LDHD: variants seen among roughly 807,000 people sequenced by gnomAD.
LDHD encodes D-lactate dehydrogenase, mitochondrial.
A neutral mutation model predicts 52.9 loss-of-function variants in LDHD; 58 were observed. The ratio of observed to expected loss-of-function variants is 1.10; its 90% CI spans 0.89 to 1.36. The LOEUF (loss-of-function observed/expected upper bound fraction) is 1.36, where lower values mean the gene tolerates loss of function less well. Among genes scored for constraint, LDHD ranks in the 40% most tolerant of loss-of-function variants. The probability of loss-of-function intolerance (pLI) is 0.00; values close to 1 mark genes in which losing one functional copy is unlikely to be tolerated. For missense variants in LDHD, 747 were observed against 668.0 expected (o/e 1.12, Z -1.30); for synonymous variants, 350 against 288.6 (o/e 1.21, Z -2.16).
rs746247971 is a variant in LDHD at position 75,112,636 on chromosome 16, C to A, written c.1255G>T (p.Gly419Cys). The change falls in exon 10 of 11, where the codon GGC becomes TGC. Residue 419 changes from glycine (G) to cysteine (C), a missense_variant. By Grantham distance (159) the Gly-to-Cys change is radical (BLOSUM62 -3). Coordinates refer to ENST00000450168, the MANE Select transcript of LDHD (RefSeq NM_194436.3). Reference protein sequence around the residue: ...LVNPDDAEELGRVKAFAEQLG... With the variant: ...LVNPDDAEELCRVKAFAEQLG... Reference sequence around the variant, plus strand: ...TGTTCTGCAAAAGCCTTGACCCTGCCCAGTTCCTCGGCGTCATCAGGGTTG... The same window carrying A: ...TGTTCTGCAAAAGCCTTGACCCTGCACAGTTCCTCGGCGTCATCAGGGTTG... 6.2e-7 allele frequency: 1 copy of A among 1,614,152 alleles called. No individual in the cohort carries two copies. The highest frequency in any genetic ancestry group is 1.1e-5 in the South Asian group (1 of 91,092).
In LDHD at chr16:75,112,324, G is replaced by A. The variant is rs372014702; in HGVS notation, c.*32C>T. On this transcript the variant is annotated 3_prime_UTR_variant, in exon 11 of 11. Coordinates refer to ENST00000450168, the MANE Select transcript of LDHD (RefSeq NM_194436.3). ...AGTTCCAGAACCGGCTCCGTAGTCA[G>A]GGAACTTGTGGGCTAAGTGCTCAGA... is the stretch of plus-strand genomic sequence containing the variant. 2.8e-4 allele frequency: 446 copies of A among 1,575,672 alleles called. No individual in the cohort carries two copies. The highest frequency in any genetic ancestry group is 3.7e-4 in the Non-Finnish European group (429 of 1,155,816).
rs201700327 is a variant in LDHD, at chr16:75,112,635, C to T, written c.1256G>A (p.Gly419Asp). The change falls in exon 10 of 11, where the codon GGC (glycine) becomes GAC (aspartate). Residue 419 changes from glycine to aspartate, a missense_variant. Physicochemically the swap from Gly to Asp is moderately conservative, Grantham distance 94. Transcript: ENST00000450168. The stretch of plus-strand genomic sequence containing the variant: ...CTGTTCTGCAAAAGCCTTGACCCTG[C>T]CCAGTTCCTCGGCGTCATCAGGGTT... ...LVNPDDAEEL[G>D]RVKAFAEQLG... is the part of the protein sequence containing the mutation. 33 of 1,614,148 alleles carry T rather than the reference C, an allele frequency of 2.0e-5. No homozygotes were observed. The Middle Eastern group carries it at 6.6e-4, about 32-fold the overall frequency.
Position 75,114,550 on chromosome 16 carries a change from G to A in LDHD, c.605C>T (p.Thr202Met), listed in dbSNP as rs1310860328. Residue 202 changes from threonine (T) to methionine (M), a missense_variant, in exon 5 of 11, where the codon ACG becomes ATG. Physicochemically the swap from Thr to Met is moderately conservative, Grantham distance 81. Coordinates refer to ENST00000450168, the MANE Select transcript of LDHD (RefSeq NM_194436.3). ...CCGGAAATGCCGGCCTCGGCCCGCC[G>A]TGTGCAGCAGCCGCCCGTCGGGCAG... ...VVLPDGRLLH[T>M]AGRGRHFRKS... The A allele has an allele frequency of 2.6e-6, 4 of 1,529,818 alleles. No homozygotes were observed. The highest frequency in any genetic ancestry group is 2.4e-5 in the South Asian group (2 of 83,746). The allele number at this position is 1,529,818 out of a possible 1,614,324, so 94.8% of individuals were successfully genotyped here. A position where few individuals can be genotyped will look rare whatever the true frequency, so the allele number is the denominator to read the frequency against.
rs1010919838 is a variant in LDHD, at chr16:75,113,882, G to A, written c.830-12C>T. 21 of 1,613,628 alleles carry A rather than the reference G, an allele frequency of 1.3e-5. No homozygotes were observed. The highest frequency in any genetic ancestry group is 1.6e-5 in the Non-Finnish European group (19 of 1,179,998). ...TTCATCCAGGAACTCTGGATCCAGG[G>A]AGATGGCAGGCCAGGTGAGGCCTGG... is the stretch of plus-strand genomic sequence containing the variant. On this transcript the variant is annotated splice_polypyrimidine_tract_variant and intron_variant, in intron 6 of 10. Transcript: ENST00000450168.
At position 75,113,845 on chromosome 16, in the gene LDHD, A is replaced by T. The variant is rs889917115; in HGVS notation, c.855T>A (p.Asp285Glu). The T allele has an allele frequency of 1.9e-6, 3 of 1,614,058 alleles. No homozygotes were observed. The Admixed American group carries it at 5.0e-5, about 27-fold the overall frequency. The change falls in exon 7 of 11, where the codon GAT becomes GAA. Residue 285 changes from aspartate to glutamate, a missense_variant. Coordinates refer to ENST00000450168, the MANE Select transcript of LDHD (RefSeq NM_194436.3). ...RIEFLDEVMM[D>E]ACNRYSKLNC... ...TCAGCTTGCTGTACCTGTTGCAGGC[A>T]TCCATCATGACTTCATCCAGGAACT...
Position 75,115,245 on chromosome 16 carries a change from G to A in LDHD, c.280C>T (p.Pro94Ser), listed in dbSNP as rs769915776. The A allele has an allele frequency of 1.2e-6, 2 of 1,613,368 alleles. No homozygotes were observed. Among genetic ancestry groups the A allele is most frequent in the Non-Finnish European group, 1.7e-6 (2 of 1,180,018 alleles). Residue 94 changes from proline to serine, a missense_variant, in exon 3 of 11, where the codon CCA becomes TCA. By Grantham distance (74) the Pro-to-Ser change is moderately conservative. Coordinates refer to ENST00000450168, the MANE Select transcript of LDHD (RefSeq NM_194436.3). ...LCYRQGVPII[P>S]FGTGTGLEGG... is the part of the protein sequence containing the mutation. The stretch of plus-strand genomic sequence containing the variant: ...TCAAGCCCGGTGCCGGTGCCGAATG[G>A]GATGATGGGCACACCTTGGCGATAG...
chr16:75,113,429 C>G (rs1783664987), intron 8 of LDHD, 106 bp downstream of exon 8: 1 of 1,374,194 alleles, frequency 7.3e-7, no homozygotes, highest in East Asian at 2.3e-5. Context: ...AGGCCCAGCC[C>G]CGTTGTTGAG....
rs2036429249 is a variant in LDHD at position 75,112,720 on chromosome 16, G to A, written c.1178-7C>T. 5 of 1,611,872 alleles carry A rather than the reference G, an allele frequency of 3.1e-6. No homozygotes were observed. The highest frequency in any genetic ancestry group is 1.3e-5 in the African/African-American group (1 of 74,874). ...ACATGCCCGACAATGCTTCCTGGGGGCCCAGAGGACAGAACTATTCTCCAG... is the reference window on the plus strand; with the variant it reads ...ACATGCCCGACAATGCTTCCTGGGGACCCAGAGGACAGAACTATTCTCCAG... On this transcript the variant is annotated splice_region_variant and splice_polypyrimidine_tract_variant and intron_variant, in intron 9 of 10. Coordinates refer to ENST00000450168, the MANE Select transcript of LDHD (RefSeq NM_194436.3).
At position 75,115,810 on chromosome 16, in the gene LDHD, C is replaced by T. The variant is rs1037409101; in HGVS notation, c.73-150G>A. On this transcript the variant is annotated intron_variant, in intron 1 of 10. Coordinates refer to ENST00000450168, the MANE Select transcript of LDHD (RefSeq NM_194436.3). ...TGACAACATCCTTGCCAGGTGGGCCCACTTTAAACAAACCCACTATCCAGA... is the reference window on the plus strand; with the variant it reads ...TGACAACATCCTTGCCAGGTGGGCCTACTTTAAACAAACCCACTATCCAGA... The T allele has an allele frequency of 9.2e-5, 52 of 563,648 alleles. No individual in the cohort carries two copies. The Admixed American group carries it at 1.7e-3, about 19-fold the overall frequency. The allele number at this position is 563,648 out of a possible 1,614,324, so 34.9% of individuals were successfully genotyped here.
chr16:75,114,500 C>A (rs771423647), intron 5 of LDHD, 26 bp downstream of exon 5: 2 of 1,486,496 alleles, frequency 1.3e-6, no homozygotes, highest in Admixed American at 4.4e-5. Flanking sequence ...GGGCCAGAGC[C>A]CGGGCCCCCC....
At position 75,114,137 on chromosome 16, in the gene LDHD, C is replaced by T; in HGVS notation, c.658G>A (p.Gly220Arg). 6.2e-7 allele frequency: 1 copy of T among 1,612,898 alleles called. No individual in the cohort carries two copies. The highest frequency in any genetic ancestry group is 1.1e-5 in the South Asian group (1 of 91,086). The change falls in exon 6 of 11, where the codon GGG (glycine) becomes AGG (arginine). Residue 220 changes from glycine to arginine, a missense_variant. Transcript: ENST00000450168. Reference sequence around the variant, plus strand: ...GTCCCCTCGGAGCCCACGAAGAGCCCCGTGAGGTTGTAGCCGGCTGCACTC... The same window carrying T: ...GTCCCCTCGGAGCCCACGAAGAGCCTCGTGAGGTTGTAGCCGGCTGCACTC... The part of the protein sequence containing the change: ...RKSAAGYNLT[G>R]LFVGSEGTLG...
rs950487967 is a variant in LDHD at position 75,115,048 on chromosome 16, T to C, written c.328-80A>G. 6 of 1,545,772 alleles carry C rather than the reference T, an allele frequency of 3.9e-6. No homozygotes were observed. In the Admixed American group the frequency reaches 9.3e-5, roughly 24 times the overall value. On this transcript the variant is annotated intron_variant, in intron 3 of 10. Coordinates refer to ENST00000450168, the MANE Select transcript of LDHD (RefSeq NM_194436.3). Reference sequence around the variant, plus strand: ...GTCCCCGGACCACACCCCGCGGGTGTCCCCCCAGCAGCCAGACCAGACCCC... The same window carrying C: ...GTCCCCGGACCACACCCCGCGGGTGCCCCCCCAGCAGCCAGACCAGACCCC...
At chr16:75,114,711 C>T (rs569271190) in intron 4 of LDHD, 26 bp from the exon 5 acceptor site, 2 of 1,537,952 alleles carry the variant, frequency 1.3e-6, no homozygotes, top group Admixed American at 2.0e-5. Context: ...CAGAAGGCAG[C>T]CTCAGGGACC....
rs370735964 is a variant in LDHD, at chr16:75,112,322, CAG to C, written c.*32_*33del. On this transcript the variant is annotated 3_prime_UTR_variant, in exon 11 of 11. Transcript: ENST00000450168. ...AAAGTTCCAGAACCGGCTCCGTAGT[CAG>C]GGAACTTGTGGGCTAAGTGCTCAGA... 136 of 1,574,612 alleles carry C rather than the reference CAG, an allele frequency of 8.6e-5. 1 individual carries two copies. The African/African-American group carries it at 1.3e-3, about 15-fold the overall frequency.
At position 75,115,547 on chromosome 16, in the gene LDHD, C is replaced by T. The variant is rs764903900; in HGVS notation, c.185+1G>A. ...GGAGGGGCCCGCGAACCCTCCCATA[C>T]CTGTGCACCGACTCATCGCGCCCGT... On this transcript the variant is annotated splice_donor_variant, in intron 2 of 10. Coordinates refer to ENST00000450168, the MANE Select transcript of LDHD (RefSeq NM_194436.3). LOFTEE classifies it high-confidence loss of function. The T allele has an allele frequency of 1.2e-6, 2 of 1,612,660 alleles. No individual in the cohort carries two copies. Among genetic ancestry groups the T allele is most frequent in the African/African-American group, 2.7e-5 (2 of 74,928 alleles).
At chr16:75,112,578 TC>T in intron 10 of LDHD, 23 bp downstream of exon 10, 1 of 1,613,760 alleles carries the variant, frequency 6.2e-7, no homozygotes, top group South Asian at 1.1e-5. Context: ...CCTCAGCTCT[TC>T]CCCTCCCTGG....
Position 75,114,510 on chromosome 16 carries a change from C to A in LDHD, c.629+16G>T, listed in dbSNP as rs139351640. 18 of 1,501,424 alleles carry A rather than the reference C, an allele frequency of 1.2e-5. No individual in the cohort carries two copies. The highest frequency in any genetic ancestry group is 2.4e-4 in the Middle Eastern group (1 of 4,252). The allele number at this position is 1,501,424 out of a possible 1,614,324, so 93.0% of individuals were successfully genotyped here. ...GCCCAGGGCCAGAGCCCGGGCCCCC[C>A]GCAGAGGGCGCTCACCGGAAATGCC... On this transcript the variant is annotated intron_variant, in intron 5 of 10. Transcript: ENST00000450168.
chr16:75,113,600 T>A lies in LDHD; in HGVS notation c.1021A>T (p.Ser341Cys). 6.2e-7 allele frequency: 1 copy of A among 1,613,196 alleles called. No individual in the cohort carries two copies. The highest frequency in any genetic ancestry group is 8.5e-7 in the Non-Finnish European group (1 of 1,179,986). Reference protein sequence around the residue: ...FSWAKEAEERSRLWTARHNAW... With the variant: ...FSWAKEAEERCRLWTARHNAW... ...TTGTGCCGTGCTGTCCAAAGCCGGC[T>A]GCGCTCCTCGGCCTCCTTGGCCCAG... Residue 341 changes from serine (S) to cysteine (C), a missense_variant, in exon 8 of 11, where the codon AGC becomes TGC. Transcript: ENST00000450168.
In LDHD at chr16:75,112,819, C is replaced by T. The variant is rs767002122; in HGVS notation, c.1177+15G>A. 1.9e-6 allele frequency: 3 copies of T among 1,609,248 alleles called. No individual in the cohort carries two copies. Among genetic ancestry groups the T allele is most frequent in the Non-Finnish European group, 2.5e-6 (3 of 1,176,652 alleles). ...ACACCTCCCCACCTCTCCCCAGCAG[C>T]AGGGTGGGCAGAACCTGTGAGTCCT... On this transcript the variant is annotated intron_variant, in intron 9 of 10. Transcript: ENST00000450168.
Sources: gnomAD v4.1 joint callset for allele counts on GRCh38, gnomAD v4.1.1 for gene constraint, MANE v1.5 for transcripts, NCBI Gene and HGNC (gene_info 2026-07-23, HGNC 2026-07-21) for gene names.